The following TRIT1 variants were observed in gnomAD, a reference collection of about 807,000 sequenced individuals.
TRIT1 encodes the protein tRNA dimethylallyltransferase.
Under a neutral mutation model 51.2 loss-of-function variants are expected in TRIT1, and 43 were observed. The observed-to-expected ratio is 0.84, with a 90% CI of 0.66 to 1.08. The LOEUF is 1.08. Among genes scored for constraint, TRIT1 ranks in the 50% least tolerant of loss-of-function variants. The pLI, the probability that TRIT1 is intolerant of heterozygous loss-of-function variation, is 0.00. For synonymous variants in TRIT1, 184 were observed against 203.9 expected (o/e 0.90, Z 0.83); for missense variants, 528 against 578.4 (o/e 0.91, Z 0.89).
chr1:39,850,516 G>C (rs1020280111), intron 4 of TRIT1, among the ~76,000 whole-genome samples: 2 of 152,078 alleles, frequency 1.3e-5, no homozygotes, highest in African/African-American at 4.8e-5. Context: ...ATGCAGAAAG[G>C]CTTATTCTCA....
At chr1:39,844,300 T>C (rs1642096866) in intron 9 of TRIT1, 82 bp from the exon 10 acceptor site, 3 of 1,243,898 alleles carry the variant, frequency 2.4e-6, no homozygotes, top group Non-Finnish European at 3.5e-6. Context: ...GGGATTTTCC[T>C]AAAATTCCTT....
intron 4 of TRIT1, among the ~76,000 whole-genome samples, chr1:39,850,711 A>G (rs566739316): frequency 6.6e-6 from 1 of 152,324 alleles, no homozygotes; most frequent in African/African-American, 2.4e-5. Flanking sequence ...CTTCTACACA[A>G]ACAGAATGGT....
intron 1 of TRIT1, among the ~76,000 whole-genome samples, chr1:39,881,884 G>C (rs1644276947): frequency 6.6e-6 from 1 of 152,104 alleles, no homozygotes; most frequent in Non-Finnish European, 1.5e-5. Context: ...TAATATCTCT[G>C]TCCAAACATT....
Position 39,838,991 on chromosome 1 carries a change from G to T in TRIT1, c.*2753C>A, listed in dbSNP as rs960408838. Among the ~76,000 whole-genome samples, 1 of 152,184 alleles carries T rather than the reference G, an allele frequency of 6.6e-6. No homozygotes were observed. The highest frequency in any genetic ancestry group is 2.4e-5 in the African/African-American group (1 of 41,452). On this transcript the variant is annotated 3_prime_UTR_variant, in exon 11 of 11. Transcript: ENST00000316891. ...ATCAAGCAAAGTATTTTCAAGTCTAGATCTCTCTTCAGAATCAAAGTACTT... is the reference window on the plus strand; with the variant it reads ...ATCAAGCAAAGTATTTTCAAGTCTATATCTCTCTTCAGAATCAAAGTACTT...
intron 1 of TRIT1, among the ~76,000 whole-genome samples, chr1:39,865,595 G>A (rs1296887638): frequency 6.6e-6 from 1 of 150,802 alleles, no homozygotes; most frequent in East Asian, 1.9e-4. Context: ...CCAGCACCGT[G>A]GGTGGCTGAG....
chr1:39,878,374 T>C (rs1644137380), intron 1 of TRIT1, among the ~76,000 whole-genome samples: 1 of 152,200 alleles, frequency 6.6e-6, no homozygotes, highest in South Asian at 2.1e-4. Context: ...ACAAATACTT[T>C]CTCTGGATAG....
At chr1:39,880,585 G>A (rs190654819) in intron 1 of TRIT1, among the ~76,000 whole-genome samples, 1 of 152,226 alleles carries the variant, frequency 6.6e-6, no homozygotes, top group East Asian at 1.9e-4. Context: ...CGGATCATGA[G>A]GTCAAGAGTT....
rs576040695 is a variant in TRIT1, at chr1:39,839,029, C to T, written c.*2715G>A. Among the ~76,000 whole-genome samples the T allele has an allele frequency of 1.3e-5, 2 of 152,210 alleles. No individual in the cohort carries two copies. Among genetic ancestry groups the T allele is most frequent in the South Asian group, 2.1e-4 (1 of 4,830 alleles). On this transcript the variant is annotated 3_prime_UTR_variant, in exon 11 of 11. Transcript: ENST00000316891. ...AATCAAAGTACTTTCTACCCACTTA[C>T]AACAGCACTGCCTGAACTGTGAGAA...
At chr1:39,844,773 A>G in intron 8 of TRIT1, 133 bp from the exon 9 acceptor site, 1 of 638,684 alleles carries the variant, frequency 1.6e-6, no homozygotes, top group Non-Finnish European at 2.8e-6. Context: ...GTTAATTCTA[A>G]CTAAACATGA....
At chr1:39,874,470 A>C (rs1643981530) in intron 1 of TRIT1, among the ~76,000 whole-genome samples, 1 of 152,192 alleles carries the variant, frequency 6.6e-6, no homozygotes, top group Admixed American at 6.5e-5. Flanking sequence ...TGTTAAAAGA[A>C]AATAGAATAG....
At chr1:39,856,391 G>C (rs952693990) in intron 2 of TRIT1, among the ~76,000 whole-genome samples, 2 of 151,798 alleles carry the variant, frequency 1.3e-5, no homozygotes, top group African/African-American at 4.8e-5. Flanking sequence ...CGCTGAGGTG[G>C]GAGGATCACC....
At chr1:39,844,391 C>T (rs1460940869) in intron 9 of TRIT1, 140 bp downstream of exon 9, 1 of 835,572 alleles carries the variant, frequency 1.2e-6, no homozygotes, top group East Asian at 2.6e-5. Context: ...AAAGCAGTCT[C>T]CAGGTATTAA....
At chr1:39,879,663 C>T (rs183693281) in intron 1 of TRIT1, among the ~76,000 whole-genome samples, 71 of 150,892 alleles carry the variant, frequency 4.7e-4, no homozygotes, top group Admixed American at 2.8e-3. Flanking sequence ...CACCTGAGGT[C>T]AGGAATTCCA....
chr1:39,883,471 T>G lies in TRIT1; in HGVS notation c.21A>C (p.Ala7=). The G allele has an allele frequency of 6.3e-7, 1 of 1,596,066 alleles. No homozygotes were observed. Among genetic ancestry groups the G allele is most frequent in the Non-Finnish European group, 8.6e-7 (1 of 1,166,084 alleles). The change falls in exon 1 of 11, where the codon GCA becomes GCC. Residue 7 remains alanine (A), a synonymous_variant. Coordinates refer to ENST00000316891, the MANE Select transcript of TRIT1 (RefSeq NM_017646.6). The part of the protein sequence containing the change: MASVAA[A]RAVPVGSGLR... ...GCCCACTGCCCACGGGAACTGCTCG[T>G]GCAGCCGCCACGGACGCCATCTTAT... is the stretch of plus-strand genomic sequence containing the variant.
At chr1:39,854,786 C>T (rs1397389942) in intron 2 of TRIT1, among the ~76,000 whole-genome samples, 1 of 152,146 alleles carries the variant, frequency 6.6e-6, no homozygotes, top group Non-Finnish European at 1.5e-5. Flanking sequence ...AAATTTTTCT[C>T]TTTAGAATCT....
At chr1:39,864,566 G>A (rs1050381450) in intron 1 of TRIT1, among the ~76,000 whole-genome samples, 4 of 141,556 alleles carry the variant, frequency 2.8e-5, no homozygotes, top group Non-Finnish European at 4.5e-5. Context: ...CCAAGATTGC[G>A]CCACTGCACT....
intron 8 of TRIT1, 74 bp from the exon 9 acceptor site, chr1:39,844,714 C>T: frequency 2.8e-6 from 3 of 1,062,048 alleles, no homozygotes; most frequent in Non-Finnish European, 4.4e-6. Context: ...ACTCTGAAAT[C>T]CTCCAGGGAA....
chr1:39,855,268 C>T (rs1342535895), intron 2 of TRIT1, among the ~76,000 whole-genome samples: 1 of 152,190 alleles, frequency 6.6e-6, no homozygotes, highest in African/African-American at 2.4e-5. Flanking sequence ...ACTAGAATCC[C>T]ACTAACCCTT....
At chr1:39,861,659 C>T (rs1333519895) in intron 1 of TRIT1, among the ~76,000 whole-genome samples, 1 of 152,064 alleles carries the variant, frequency 6.6e-6, no homozygotes, top group Non-Finnish European at 1.5e-5. Flanking sequence ...GGCGGTGGGT[C>T]GTGCCTATAA....
Sources: allele counts gnomAD v4.1 joint callset (sites outside exome capture counted in the v4.1 genomes callset), GRCh38; gene constraint gnomAD v4.1.1; transcripts MANE v1.5; gene names NCBI Gene and HGNC (gene_info 2026-07-23, HGNC 2026-07-21).